The following PNPT1 variants were observed in gnomAD, a reference collection of about 807,000 sequenced individuals.
The protein encoded by PNPT1 is polyribonucleotide nucleotidyltransferase 1.
Under a neutral mutation model 119.5 loss-of-function variants are expected in PNPT1, and 53 were observed. That is an observed-to-expected ratio of 0.44 (90% CI 0.36 to 0.56). The LOEUF (loss-of-function observed/expected upper bound fraction) is 0.56. Among genes scored for constraint, PNPT1 ranks in the 20% least tolerant of loss-of-function variants. The pLI is 0.00. For synonymous variants in PNPT1, 357 were observed against 322.1 expected, an observed-to-expected ratio of 1.11 and a Z score of -1.16; for missense variants, 948 against 938.5, an observed-to-expected ratio of 1.01 and a Z score of -0.13.
At chr2:55,648,707 G>A (rs959853383) in intron 18 of PNPT1, among the ~76,000 whole-genome samples, 1 of 151,976 alleles carries the variant, frequency 6.6e-6, no homozygotes, top group Non-Finnish European at 1.5e-5. Context: ...TATGGACAGA[G>A]CTTTATTAAA....
At chr2:55,681,652 C>G (rs1273185252) in intron 5 of PNPT1, among the ~76,000 whole-genome samples, 1 of 151,516 alleles carries the variant, frequency 6.6e-6, no homozygotes, top group African/African-American at 2.4e-5. Context: ...CAAGACCAGC[C>G]TGGCCAACAT....
chr2:55,661,931 C>A, intron 14 of PNPT1, 25 bp downstream of exon 14: 1 of 1,530,822 alleles, frequency 6.5e-7, no homozygotes, highest in Non-Finnish European at 8.8e-7. Flanking sequence ...TAAAACGTAA[C>A]AAACATCTTA....
chr2:55,693,777 AG>A lies in PNPT1; in HGVS notation c.46del (p.Leu16Ter), dbSNP rs1448753696. 6.2e-7 allele frequency: 1 copy of A among 1,614,096 alleles called. No individual in the cohort carries two copies. The highest frequency in any genetic ancestry group is 2.2e-5 in the East Asian group (1 of 44,880). ...TGGCAGAAGGAAAGGACCATCGCTC[AG>A]GGGCCGGAGCCGGAGGCACGAGCAG... Reference protein sequence around the residue: ...YCCSCLRLRPLSDGPFLLPRR... With the variant: ...YCCSCLRLRPXSDGPFLLPRR... On this transcript the variant is annotated frameshift_variant, in exon 1 of 28. Coordinates refer to ENST00000447944, the MANE Select transcript of PNPT1 (RefSeq NM_033109.5). LOFTEE classifies it high-confidence loss of function.
At chr2:55,676,957 T>G (rs775525287) in intron 8 of PNPT1, among the ~76,000 whole-genome samples, 1 of 152,192 alleles carries the variant, frequency 6.6e-6, no homozygotes, top group Non-Finnish European at 1.5e-5. Context: ...ATCACAGAAG[T>G]TCCATGATGG....
intron 14 of PNPT1, 28 bp from the exon 15 acceptor site, chr2:55,660,221 AC>A: frequency 1.3e-6 from 2 of 1,556,570 alleles, no homozygotes; most frequent in Non-Finnish European, 1.7e-6. Context: ...AATATTAAAA[AC>A]ATCATAGGGA....
At chr2:55,667,725 C>G in intron 12 of PNPT1, 137 bp downstream of exon 12, 1 of 1,149,512 alleles carries the variant, frequency 8.7e-7, no homozygotes, top group Non-Finnish European at 1.2e-6. Flanking sequence ...CAATAGGTGT[C>G]CATTTATATA....
chr2:55,659,056 G>A (rs1402424564), intron 15 of PNPT1, among the ~76,000 whole-genome samples: 3 of 152,152 alleles, frequency 2.0e-5, no homozygotes, highest in African/African-American at 7.2e-5. Context: ...CTGGGCTCAA[G>A]CAATCCTCCC....
At chr2:55,650,622 G>A (rs1261192441) in intron 18 of PNPT1, among the ~76,000 whole-genome samples, 2 of 151,886 alleles carry the variant, frequency 1.3e-5, no homozygotes, top group African/African-American at 2.4e-5. Flanking sequence ...GGGAAGTGAG[G>A]AGCGTCTCTG....
Position 55,635,977 on chromosome 2 carries a change from ATG to A in PNPT1, c.*258_*259del, listed in dbSNP as rs1695658777. 1.0e-5 allele frequency: 1 copy of A among 99,422 alleles called. No individual in the cohort carries two copies. 6.2% of individuals were successfully genotyped at this position (99,422 alleles called of 1,614,324 possible). A position where few individuals can be genotyped will look rare whatever the true frequency, so the allele number is the denominator to read the frequency against. On this transcript the variant is annotated 3_prime_UTR_variant, in exon 28 of 28. Transcript: ENST00000447944. ...ATTTCAGAATTGTAAAAACAAAACTATGTAATTTTTTCTAAGATGTATAAATG... is the reference window on the plus strand; with the variant it reads ...ATTTCAGAATTGTAAAAACAAAACTATAATTTTTTCTAAGATGTATAAATG...
chr2:55,686,889 C>T lies in PNPT1; in HGVS notation c.223-445G>A, dbSNP rs1033688012. 5.9e-5 allele frequency among the ~76,000 whole-genome samples: 9 copies of T among 152,032 alleles called. No homozygotes were observed. In the East Asian group the frequency reaches 7.7e-4, roughly 13 times the overall value. ...TCACACTTGTAATTGCAGCACTTTGCGGGGGCAAGGCAGGTGGATCACGAG... is the reference window on the plus strand; with the variant it reads ...TCACACTTGTAATTGCAGCACTTTGTGGGGGCAAGGCAGGTGGATCACGAG... On this transcript the variant is annotated intron_variant, in intron 2 of 27. Coordinates refer to ENST00000447944, the MANE Select transcript of PNPT1 (RefSeq NM_033109.5).
intron 13 of PNPT1, 130 bp downstream of exon 13, chr2:55,666,861 G>T (rs922892315): frequency 1.7e-6 from 1 of 575,202 alleles, no homozygotes; most frequent in Non-Finnish European, 2.8e-6. Flanking sequence ...AACAAGAACC[G>T]CCAGATATTA....
intron 1 of PNPT1, among the ~76,000 whole-genome samples, chr2:55,693,209 G>A (rs1017976495): frequency 1.6e-4 from 25 of 152,212 alleles, no homozygotes; most frequent in African/African-American, 5.3e-4. Context: ...GGAGTGGGAC[G>A]TGGGGGACCC....
chr2:55,665,748 C>G (rs1696712890), intron 13 of PNPT1, among the ~76,000 whole-genome samples: 1 of 152,114 alleles, frequency 6.6e-6, no homozygotes, highest in African/African-American at 2.4e-5. Flanking sequence ...CTGAGCCTCA[C>G]TAGTAATCAG....
chr2:55,640,590 G>C, intron 26 of PNPT1, 37 bp downstream of exon 26: 1 of 1,481,434 alleles, frequency 6.8e-7, no homozygotes, highest in Non-Finnish European at 9.4e-7. Flanking sequence ...TTTCAAGGCA[G>C]TTATAAAAAT....
At chr2:55,677,724 G>C (rs545700080) in intron 8 of PNPT1, among the ~76,000 whole-genome samples, 1 of 150,866 alleles carries the variant, frequency 6.6e-6, no homozygotes, top group Non-Finnish European at 1.5e-5. Flanking sequence ...GTTTACTTCT[G>C]TGTCTTTTTT....
chr2:55,637,625 AGTT>A (rs761591814), intron 26 of PNPT1, 26 bp from the exon 27 acceptor site: 25 of 1,551,804 alleles, frequency 1.6e-5, no homozygotes, highest in African/African-American at 4.1e-5. Context: ...TTAATCTATT[AGTT>A]GTTGTGCATA....
At chr2:55,676,121 G>A (rs919548758) in intron 8 of PNPT1, among the ~76,000 whole-genome samples, 15 of 151,888 alleles carry the variant, frequency 9.9e-5, no homozygotes, top group Non-Finnish European at 1.8e-4. Context: ...TTAGCCAGGT[G>A]TGGTGGTGCA....
At position 55,656,337 on chromosome 2, in the gene PNPT1, A is replaced by T. The variant is rs1696385701; in HGVS notation, c.1319T>A (p.Val440Asp). Residue 440 changes from valine (V) to aspartate (D), a missense_variant, in exon 16 of 28, where the codon GTC becomes GAC. Transcript: ENST00000447944. ...PPYATNEIGKVTGLNRRELGH... is the reference protein window; with the variant it reads ...PPYATNEIGKDTGLNRRELGH... ...AAGTTCTCTTCTATTTAAACCAGTGACTTTGCCAATTTCATTAGTTGCATA... is the reference window on the plus strand; with the variant it reads ...AAGTTCTCTTCTATTTAAACCAGTGTCTTTGCCAATTTCATTAGTTGCATA... The T allele has an allele frequency of 1.2e-6, 2 of 1,610,542 alleles. No homozygotes were observed. The highest frequency in any genetic ancestry group is 1.7e-6 in the Non-Finnish European group (2 of 1,178,906).
At chr2:55,679,841 G>C (rs1697190850) in intron 7 of PNPT1, 46 bp from the exon 8 acceptor site, 3 of 1,311,002 alleles carry the variant, frequency 2.3e-6, no homozygotes, top group East Asian at 2.4e-5. Context: ...GAAATACCCA[G>C]TTTTCAAGAC....
Sources: gnomAD v4.1 joint callset for allele counts (sites outside exome capture counted in the v4.1 genomes callset) on GRCh38, gnomAD v4.1.1 for gene constraint, MANE v1.5 for transcripts, NCBI Gene and HGNC (gene_info 2026-07-23, HGNC 2026-07-21) for gene names.